CDYL: variants seen among roughly 807,000 people sequenced by gnomAD.
CDYL encodes chromodomain Y-like protein.
CDYL carries 8 observed loss-of-function variants against 47.3 expected under a neutral mutation model. That is an observed-to-expected ratio of 0.17 (90% confidence interval 0.10 to 0.31). CDYL has a LOEUF of 0.31. CDYL is among the 10% of genes least tolerant of loss of function. The pLI, the probability that CDYL is intolerant of heterozygous loss-of-function variation, is 1.00. For synonymous variants in CDYL, 266 were observed against 265.0 expected (o/e 1.00, Z -0.04); for missense variants, 471 against 701.4 (o/e 0.67, Z 3.71).
At chr6:4,733,956 A>G (rs1757655422) in intron 2 of CDYL, among the ~76,000 whole-genome samples, 2 of 149,640 alleles carry the variant, frequency 1.3e-5, no homozygotes, top group African/African-American at 4.9e-5. Flanking sequence ...GGTTCAAGCT[A>G]TTCTCCTGCC....
chr6:4,853,163 G>A (rs1339462523), intron 1 of CDYL, among the ~76,000 whole-genome samples: 1 of 152,136 alleles, frequency 6.6e-6, no homozygotes, highest in African/African-American at 2.4e-5. Context: ...AGGTAGCCAA[G>A]GCTCACCTTA....
rs530814586 is a variant in CDYL, at chr6:4,895,337, A to G, written c.691+2958A>G. On this transcript the variant is annotated intron_variant, in intron 2 of 6. Coordinates refer to ENST00000397588, the MANE Select transcript of CDYL (RefSeq NM_004824.4). ...TATATGCATGTATGTATATATGTGC[A>G]TATATGCATGTATGTATATATGTGC... is the stretch of plus-strand genomic sequence containing the variant. Among the ~76,000 whole-genome samples the G allele has an allele frequency of 4.2e-4, 60 of 143,020 alleles. 25 individuals carry two copies. The highest frequency in any genetic ancestry group is 1.6e-3 in the African/African-American group (56 of 34,794). The allele number at this position is 143,020 out of a possible 152,430, so 93.8% of individuals were successfully genotyped here.
intron 2 of CDYL, among the ~76,000 whole-genome samples, chr6:4,718,077 TC>T (rs1163914192): frequency 6.6e-6 from 1 of 152,100 alleles, no homozygotes; most frequent in Non-Finnish European, 1.5e-5. Context: ...CCTCAAGCAA[TC>T]CTCCTGCCTC....
chr6:4,869,867 C>T (rs192963069), intron 1 of CDYL, among the ~76,000 whole-genome samples: 1 of 152,238 alleles, frequency 6.6e-6, no homozygotes, highest in African/African-American at 2.4e-5. Context: ...TTCAAATAGT[C>T]TTCTGTATTT....
At chr6:4,857,230 C>G (rs911917560) in intron 1 of CDYL, among the ~76,000 whole-genome samples, 2 of 152,176 alleles carry the variant, frequency 1.3e-5, no homozygotes, top group African/African-American at 4.8e-5. Context: ...CACTGATAAT[C>G]AACCATCACC....
chr6:4,888,030 C>G (rs1176105381), intron 1 of CDYL, among the ~76,000 whole-genome samples: 1 of 151,974 alleles, frequency 6.6e-6, no homozygotes, highest in African/African-American at 2.4e-5. Flanking sequence ...ACCAGCCTTG[C>G]ATTTTTGGAA....
chr6:4,856,971 G>C (rs1283648748), intron 1 of CDYL, among the ~76,000 whole-genome samples: 2 of 152,204 alleles, frequency 1.3e-5, no homozygotes, highest in Admixed American at 1.3e-4. Flanking sequence ...ATTCCTGGCA[G>C]TTCCTTTCTC....
intron 3 of CDYL, among the ~76,000 whole-genome samples, chr6:4,759,194 C>T (rs919656823): frequency 1.3e-5 from 2 of 152,112 alleles, no homozygotes; most frequent in African/African-American, 4.8e-5. Flanking sequence ...TGGTCTCGAT[C>T]TCCTGACCTT....
chr6:4,779,788 G>T (rs753303887), intron 1 of CDYL, among the ~76,000 whole-genome samples: 3 of 152,134 alleles, frequency 2.0e-5, no homozygotes, highest in Non-Finnish European at 2.9e-5. Flanking sequence ...TTTTAGACTT[G>T]TGGGTTATAT....
At chr6:4,829,230 G>T (rs969705300) in intron 1 of CDYL, among the ~76,000 whole-genome samples, 1 of 152,058 alleles carries the variant, frequency 6.6e-6, no homozygotes, top group Non-Finnish European at 1.5e-5. Context: ...TTGTTTTGCT[G>T]GGATTTTTTT....
rs1373819933 is a variant in CDYL, at chr6:4,776,487, C to G, written c.-297C>G. The G allele has an allele frequency of 7.0e-6, 1 of 142,236 alleles. No homozygotes were observed. Among genetic ancestry groups the G allele is most frequent in the African/African-American group, 2.5e-5 (1 of 39,264 alleles). The allele number at this position is 142,236 out of a possible 1,614,324, so 8.8% of individuals were successfully genotyped here. A position where few individuals can be genotyped will look rare whatever the true frequency, so the allele number is the denominator to read the frequency against. ...GCCGCCCGCACGCCGCCGCGCCCGCCCCAGCCCGCCCGGCCCCGCGGCGGG... is the reference window on the plus strand; with the variant it reads ...GCCGCCCGCACGCCGCCGCGCCCGCGCCAGCCCGCCCGGCCCCGCGGCGGG... On this transcript the variant is annotated 5_prime_UTR_variant, in exon 1 of 7. Coordinates refer to ENST00000397588, the MANE Select transcript of CDYL (RefSeq NM_004824.4).
intron 3 of CDYL, among the ~76,000 whole-genome samples, chr6:4,762,529 C>G (rs1033520427): frequency 6.7e-6 from 1 of 150,264 alleles, no homozygotes; most frequent in Non-Finnish European, 1.5e-5. Flanking sequence ...AACTAATGAT[C>G]TTATTCAGGT....
At chr6:4,848,432 G>A (rs1760725566) in intron 1 of CDYL, among the ~76,000 whole-genome samples, 1 of 152,164 alleles carries the variant, frequency 6.6e-6, no homozygotes, top group South Asian at 2.1e-4. Flanking sequence ...AACAATTGCT[G>A]GTACCTTAAG....
chr6:4,935,894 G>A (rs1223740884), intron 3 of CDYL, 123 bp downstream of exon 3: 1 of 1,449,436 alleles, frequency 6.9e-7, no homozygotes, highest in Non-Finnish European at 9.3e-7. Context: ...ATCTCCCGAT[G>A]CCCACCAGAA....
intron 3 of CDYL, among the ~76,000 whole-genome samples, chr6:4,767,522 G>A (rs1294538143): frequency 6.6e-6 from 1 of 151,192 alleles, no homozygotes; most frequent in Non-Finnish European, 1.5e-5. Flanking sequence ...GCAGTGAGCT[G>A]AGATTGTGCC....
At chr6:4,807,726 C>G (rs1397853491) in intron 1 of CDYL, among the ~76,000 whole-genome samples, 1 of 149,256 alleles carries the variant, frequency 6.7e-6, no homozygotes, top group Non-Finnish European at 1.5e-5. Flanking sequence ...GCCTCAGCCT[C>G]CTGAGTAGCT....
intron 1 of CDYL, among the ~76,000 whole-genome samples, chr6:4,860,729 G>A (rs971632723): frequency 6.6e-6 from 1 of 151,648 alleles, no homozygotes; most frequent in Non-Finnish European, 1.5e-5. Flanking sequence ...TGAGAAGCAA[G>A]AAGCCAAGAG....
chr6:4,798,434 C>T (rs1196071183), intron 1 of CDYL, among the ~76,000 whole-genome samples: 3 of 152,096 alleles, frequency 2.0e-5, no homozygotes, highest in Non-Finnish European at 2.9e-5. Context: ...TGAAAAGTCT[C>T]CTGTCCTCCT....
At chr6:4,774,046 G>A (rs895914981), upstream of CDYL, among the ~76,000 whole-genome samples, 1 of 152,120 alleles carries the variant, frequency 6.6e-6, no homozygotes, top group Non-Finnish European at 1.5e-5. Context: ...GGCAGTTTTG[G>A]AGACTCCTTG....
Sources: gnomAD v4.1 joint callset for allele counts (sites outside exome capture counted in the v4.1 genomes callset) on GRCh38, gnomAD v4.1.1 for gene constraint, MANE v1.5 for transcripts, NCBI Gene and HGNC (gene_info 2026-07-23, HGNC 2026-07-21) for gene names.